Variants in NRG1 observed in about 807,000 individuals in gnomAD.
The protein encoded by NRG1 is neuregulin 1.
In NRG1, 18 loss-of-function variants were observed where a neutral mutation model predicts 63.8. The ratio of observed to expected loss-of-function variants is 0.28; its 90% CI spans 0.19 to 0.42. NRG1 has a LOEUF of 0.42. Among genes scored for constraint, NRG1 ranks in the 10% least tolerant of loss-of-function variants. The pLI, the probability that NRG1 is intolerant of heterozygous loss-of-function variation, is 1.00. For missense variants in NRG1, 762 were observed against 814.7 expected (o/e 0.94, Z 0.79); for synonymous variants, 302 against 301.3 (o/e 1.00, Z -0.02).
chr8:32,208,865 ATCT>A (rs1844358189), intron 1 of NRG1, among the ~76,000 whole-genome samples: 1 of 152,202 alleles, frequency 6.6e-6, no homozygotes, highest in Non-Finnish European at 1.5e-5. Flanking sequence ...ATAAGTAATG[ATCT>A]ATATGAAAGA....
intron 1 of NRG1, among the ~76,000 whole-genome samples, chr8:31,784,194 G>A (rs1305970901): frequency 6.6e-6 from 1 of 152,256 alleles, no homozygotes; most frequent in East Asian, 1.9e-4. Flanking sequence ...GATTTTGGTT[G>A]AATTTACCCT....
intron 1 of NRG1, among the ~76,000 whole-genome samples, chr8:32,072,343 C>T (rs1159004304): frequency 1.3e-5 from 2 of 151,098 alleles, no homozygotes; most frequent in African/African-American, 4.9e-5. Flanking sequence ...TTTTGGGCCT[C>T]TATCTTTCAT....
At chr8:32,446,841 A>C (rs1376194926) in intron 1 of NRG1, among the ~76,000 whole-genome samples, 1 of 152,056 alleles carries the variant, frequency 6.6e-6, no homozygotes, top group Non-Finnish European at 1.5e-5. Context: ...TTTCCATGCA[A>C]AGCTTCTCCA....
rs1852700536 is a variant in NRG1, at chr8:32,280,794, C to T, written c.38-315034C>T. ...TTTTTTTTTTTGAGACAGAGTCTTG[C>T]TCTGTTGCCAGGCTGGAGTGCATGG... On this transcript the variant is annotated intron_variant, in intron 1 of 10. Coordinates refer to the NRG1 transcript ENST00000519301. Among the ~76,000 whole-genome samples the T allele has an allele frequency of 5.7e-5, 6 of 105,134 alleles. No homozygotes were observed. In the South Asian group the frequency reaches 2.1e-3, roughly 36 times the overall value. 69.0% of individuals were successfully genotyped at this position (105,134 alleles called of 152,430 possible).
At chr8:32,200,325 C>G (rs1400302995) in intron 1 of NRG1, among the ~76,000 whole-genome samples, 1 of 152,130 alleles carries the variant, frequency 6.6e-6, no homozygotes, top group African/African-American at 2.4e-5. Flanking sequence ...TACTGAATTT[C>G]CAAGAGTGCT....
At chr8:32,113,105 T>G (rs1023217630) in intron 1 of NRG1, among the ~76,000 whole-genome samples, 1 of 152,132 alleles carries the variant, frequency 6.6e-6, no homozygotes, top group Non-Finnish European at 1.5e-5. Flanking sequence ...TACCACGAAG[T>G]TGACCTCACT....
At chr8:31,853,925 C>A (rs576403055) in intron 1 of NRG1, among the ~76,000 whole-genome samples, 2 of 151,272 alleles carry the variant, frequency 1.3e-5, no homozygotes, top group South Asian at 2.1e-4. Context: ...TATTGATTTG[C>A]GTGTATTGAA....
At chr8:32,768,492 T>C (rs760743053), downstream of NRG1, among the ~76,000 whole-genome samples, 27 of 152,180 alleles carry the variant, frequency 1.8e-4, no homozygotes, top group Non-Finnish European at 3.7e-4. Context: ...TACGGATTCA[T>C]AATTTTAAAA....
intron 1 of NRG1, among the ~76,000 whole-genome samples, chr8:32,429,350 A>T (rs1401079648): frequency 6.6e-6 from 1 of 152,198 alleles, no homozygotes; most frequent in African/African-American, 2.4e-5. Context: ...CCTAGGACCA[A>T]GTCTTGGCCT....
chr8:31,999,157 T>G (rs1467356328), intron 1 of NRG1, among the ~76,000 whole-genome samples: 2 of 151,980 alleles, frequency 1.3e-5, no homozygotes, highest in Non-Finnish European at 2.9e-5. Flanking sequence ...GGAAATTGAC[T>G]AATAAAGAAA....
intron 1 of NRG1, among the ~76,000 whole-genome samples, chr8:31,758,983 A>C (rs551164934): frequency 6.6e-6 from 1 of 152,244 alleles, no homozygotes; most frequent in African/African-American, 2.4e-5. Context: ...TGTGGTTTTA[A>C]ATGGCATTTC....
chr8:32,762,540 T>C (rs1220044150), intron 11 of NRG1, among the ~76,000 whole-genome samples: 2 of 152,174 alleles, frequency 1.3e-5, no homozygotes, highest in African/African-American at 2.4e-5. Context: ...TATTTCAATT[T>C]CTCAGGCACG....
intron 1 of NRG1, among the ~76,000 whole-genome samples, chr8:31,980,414 C>T (rs1358332426): frequency 3.3e-5 from 5 of 151,902 alleles, no homozygotes; most frequent in Admixed American, 3.3e-4. Flanking sequence ...AATGTTTAGC[C>T]TTTTTGTCTT....
At chr8:32,407,835 A>C (rs1295935505) in intron 1 of NRG1, among the ~76,000 whole-genome samples, 3 of 152,198 alleles carry the variant, frequency 2.0e-5, no homozygotes, top group Non-Finnish European at 4.4e-5. Context: ...ATATGCCTGT[A>C]GCTCCAAAAA....
chr8:31,882,083 G>A (rs1429648397), intron 1 of NRG1, among the ~76,000 whole-genome samples: 3 of 152,066 alleles, frequency 2.0e-5, no homozygotes, highest in Non-Finnish European at 4.4e-5. Flanking sequence ...TAGCTGGAGA[G>A]AATAAGGAAA....
chr8:31,970,090 A>G (rs893398604), intron 1 of NRG1, among the ~76,000 whole-genome samples: 5 of 152,162 alleles, frequency 3.3e-5, no homozygotes, highest in African/African-American at 1.2e-4. Flanking sequence ...ATAATTGAGT[A>G]TACGGTGGGT....
chr8:32,474,753 C>T (rs1331345001), intron 1 of NRG1, among the ~76,000 whole-genome samples: 1 of 152,068 alleles, frequency 6.6e-6, no homozygotes, highest in Non-Finnish European at 1.5e-5. Context: ...ATCTGCCCAC[C>T]TCGGCCTCCC....
chr8:31,917,406 T>C (rs945068048), intron 1 of NRG1, among the ~76,000 whole-genome samples: 30 of 150,572 alleles, frequency 2.0e-4, no homozygotes, highest in Non-Finnish European at 3.4e-4. Flanking sequence ...AGGGATCCAG[T>C]TTCAGCTTTC....
At chr8:32,421,751 A>T (rs1009961008) in intron 1 of NRG1, among the ~76,000 whole-genome samples, 1 of 152,224 alleles carries the variant, frequency 6.6e-6, no homozygotes, top group Non-Finnish European at 1.5e-5. Context: ...CTTCGCATAC[A>T]CAGTGCAACA....
Sources: gnomAD v4.1 joint callset for allele counts (sites outside exome capture counted in the v4.1 genomes callset) on GRCh38, gnomAD v4.1.1 for gene constraint, MANE v1.5 for transcripts, NCBI Gene and HGNC (gene_info 2026-07-23, HGNC 2026-07-21) for gene names.